PPIL2: variants seen among roughly 807,000 people sequenced by gnomAD.
PPIL2 encodes the protein RING-type E3 ubiquitin-protein ligase PPIL2.
A neutral mutation model predicts 75.2 loss-of-function variants in PPIL2; 50 were observed. The ratio of observed to expected loss-of-function variants is 0.66; its 90% CI spans 0.53 to 0.84. The LOEUF (loss-of-function observed/expected upper bound fraction) is 0.84. Ranked by LOEUF, PPIL2 falls within the 40% of genes least tolerant of loss-of-function variation. The pLI, the probability that PPIL2 is intolerant of heterozygous loss-of-function variation, is 0.00. For synonymous variants in PPIL2, 245 were observed against 258.8 expected (o/e 0.95, Z 0.51); for missense variants, 590 against 685.0 (o/e 0.86, Z 1.55).
At chr22:21,688,182 T>A in intron 14 of PPIL2, 76 bp downstream of exon 14, 2 of 1,560,654 alleles carry the variant, frequency 1.3e-6, no homozygotes, top group Non-Finnish European at 1.8e-6. Context: ...TGGGCAGGGG[T>A]TGTGCACAGC....
chr22:21,682,589 AC>A, intron 8 of PPIL2, 63 bp downstream of exon 8: 1 of 1,201,832 alleles, frequency 8.3e-7, no homozygotes, highest in Non-Finnish European at 1.2e-6. Context: ...CCAGGCCTCT[AC>A]AGGGCCCTAC....
At chr22:21,683,413 A>G (rs1411870936) in intron 9 of PPIL2, among the ~76,000 whole-genome samples, 156 bp downstream of exon 9, 1 of 152,184 alleles carries the variant, frequency 6.6e-6, no homozygotes, top group Admixed American at 6.5e-5. Context: ...ATCTGAGCCA[A>G]CTGCAGCCTC....
chr22:21,687,033 A>G (rs371040405), intron 12 of PPIL2, 35 bp downstream of exon 12: 8 of 1,566,590 alleles, frequency 5.1e-6, no homozygotes, highest in Non-Finnish European at 6.2e-6. Flanking sequence ...CCATGCCCCA[A>G]GGTCATCTCT....
intron 1 of PPIL2, among the ~76,000 whole-genome samples, chr22:21,666,984 GGGC>G (rs2066412415): frequency 5.8e-5 from 1 of 17,320 alleles, no homozygotes; most frequent in Non-Finnish European, 1.3e-4. Flanking sequence ...CAGAACTGTT[GGGC>G]TTCTCAACAG....
chr22:21,694,757 G>T lies in PPIL2; in HGVS notation c.1272G>T (p.Glu424Asp). 2 of 1,610,596 alleles carry T rather than the reference G, an allele frequency of 1.2e-6. No homozygotes were observed. Among genetic ancestry groups the T allele is most frequent in the Non-Finnish European group, 1.7e-6 (2 of 1,177,892 alleles). The change falls in exon 18 of 20, where the codon GAG becomes GAT. Residue 424 changes from glutamate (E) to aspartate (D), a missense_variant and splice_region_variant. Transcript: ENST00000398831. ...CACTGAGCCCCCTTTGCTGCTAGGA[G>T]GAGATCCGCATTGATGCCACTACAG... is the stretch of plus-strand genomic sequence containing the variant. ...ESDPKTDRPK[E>D]EIRIDATTVF... is the part of the protein sequence containing the mutation.
intron 15 of PPIL2, among the ~76,000 whole-genome samples, chr22:21,692,370 G>A (rs539552426): frequency 7.3e-5 from 11 of 151,374 alleles, no homozygotes; most frequent in Admixed American, 3.3e-4. Context: ...TAGCGAGGAT[G>A]GTCTCGATCT....
chr22:21,692,908 A>G lies in PPIL2; in HGVS notation c.1140-908A>G, dbSNP rs187422224. Among the ~76,000 whole-genome samples the G allele has an allele frequency of 6.3e-3, 955 of 150,414 alleles. 12 individuals carry two copies. Among genetic ancestry groups the G allele is most frequent in the African/African-American group, 0.022 (899 of 40,808 alleles). ...GCCACTGCACTCCAGCCTGGGGGAC[A>G]GAGCAAGATTCCATCTCAAAAAAAA... On this transcript the variant is annotated intron_variant, in intron 15 of 19. Transcript: ENST00000398831.
At chr22:21,688,127 C>A in intron 14 of PPIL2, 21 bp downstream of exon 14, 1 of 1,614,088 alleles carries the variant, frequency 6.2e-7, no homozygotes, top group Non-Finnish European at 8.5e-7. Context: ...GTGCTGGGCC[C>A]CTCTCTGGGC....
chr22:21,669,624 C>T (rs541180062), intron 1 of PPIL2, among the ~76,000 whole-genome samples: 2 of 152,216 alleles, frequency 1.3e-5, no homozygotes, highest in African/African-American at 2.4e-5. Flanking sequence ...TTCAGCCTCC[C>T]GAGTAGCTGG....
At chr22:21,673,614 T>G (rs1239418930) in intron 5 of PPIL2, 1 of 152,082 alleles carries the variant, frequency 6.6e-6, no homozygotes, top group African/African-American at 2.4e-5. Context: ...ATCAGGGAGG[T>G]GTGGCCATTT....
chr22:21,696,661 C>G lies in PPIL2; in HGVS notation c.*1171C>G, dbSNP rs573429795. The G allele has an allele frequency of 2.5e-5, 38 of 1,527,518 alleles. No homozygotes were observed. The highest frequency in any genetic ancestry group is 3.2e-5 in the Non-Finnish European group (36 of 1,142,334). The allele number at this position is 1,527,518 out of a possible 1,614,324, so 94.6% of individuals were successfully genotyped here. A position where few individuals can be genotyped will look rare whatever the true frequency, so the allele number is the denominator to read the frequency against. Reference sequence around the variant, plus strand: ...TCCCTGTTGCCCTCAGGCCACCCCCCACTTCTAGTTCTTCACACTAAGCCC... The same window carrying G: ...TCCCTGTTGCCCTCAGGCCACCCCCGACTTCTAGTTCTTCACACTAAGCCC... On this transcript the variant is annotated 3_prime_UTR_variant, in exon 20 of 20. Transcript: ENST00000398831.
chr22:21,669,854 A>G (rs1316227852), intron 1 of PPIL2, 59 bp from the exon 2 acceptor site: 16 of 1,533,960 alleles, frequency 1.0e-5, no homozygotes, highest in Non-Finnish European at 1.4e-5. Flanking sequence ...CTCACTTCCA[A>G]AGACTTCGTC....
rs554207069 is a variant in PPIL2 at position 21,696,235 on chromosome 22, C to T, written c.*745C>T. Reference sequence around the variant, plus strand: ...GTGCCCTGCCTGAGCTCTCAGGGCCCTGCTCACCTGCTCTGGCTGTGAACC... The same window carrying T: ...GTGCCCTGCCTGAGCTCTCAGGGCCTTGCTCACCTGCTCTGGCTGTGAACC... On this transcript the variant is annotated 3_prime_UTR_variant, in exon 20 of 20. Transcript: ENST00000398831. 97 of 1,015,124 alleles carry T rather than the reference C, an allele frequency of 9.6e-5. 1 individual carries two copies. In the East Asian group the frequency reaches 6.5e-3, roughly 68 times the overall value. 62.9% of individuals were successfully genotyped at this position (1,015,124 alleles called of 1,614,324 possible).
At position 21,688,792 on chromosome 22, in the gene PPIL2, C is replaced by T. The variant is rs779227844; in HGVS notation, c.1082C>T (p.Thr361Met). ...GAGTTCCGGCCCAACCTCTCGCACA[C>T]GGGCCGCGGCATCCTCAGCATGGCC... is the stretch of plus-strand genomic sequence containing the variant. ...KDEFRPNLSHTGRGILSMANS... is the reference protein window; with the variant it reads ...KDEFRPNLSHMGRGILSMANS... Residue 361 changes from threonine to methionine, a missense_variant, in exon 15 of 20, where the codon ACG (threonine) becomes ATG (methionine). By Grantham distance (81) the Thr-to-Met change is moderately conservative. Transcript: ENST00000398831. 19 of 1,614,074 alleles carry T rather than the reference C, an allele frequency of 1.2e-5. No homozygotes were observed. Among genetic ancestry groups the T allele is most frequent in the East Asian group, 4.5e-5 (2 of 44,892 alleles).
chr22:21,691,455 C>T (rs564766413), intron 15 of PPIL2, among the ~76,000 whole-genome samples: 329 of 152,042 alleles, frequency 2.2e-3, no homozygotes, highest in South Asian at 0.01. Flanking sequence ...CCGAGGCAGG[C>T]GGATCACGAG....
chr22:21,667,315 C>A (rs1403826042), intron 1 of PPIL2, among the ~76,000 whole-genome samples: 1 of 152,062 alleles, frequency 6.6e-6, no homozygotes, highest in Non-Finnish European at 1.5e-5. Flanking sequence ...CGCCACCATG[C>A]CCAGCTAATT....
At chr22:21,671,147 C>A in intron 4 of PPIL2, 88 bp downstream of exon 4, 1 of 1,293,852 alleles carries the variant, frequency 7.7e-7, no homozygotes, top group Non-Finnish European at 1.1e-6. Context: ...TTGGGTAGGG[C>A]TCTTGGGCAC....
In PPIL2 at chr22:21,697,022, T is replaced by TGTCA. The variant is rs2067964930; in HGVS notation, c.*1533_*1536dup. ...TTCTCCAGCCCATCCCTCTGCAGCCTGTCATCCCTGTCTGTGACCATTGGT... is the reference window on the plus strand; with the variant it reads ...TTCTCCAGCCCATCCCTCTGCAGCCTGTCAGTCATCCCTGTCTGTGACCATTGGT... On this transcript the variant is annotated 3_prime_UTR_variant, in exon 20 of 20. Coordinates refer to ENST00000398831, the MANE Select transcript of PPIL2 (RefSeq NM_014337.4). 1.3e-6 allele frequency: 2 copies of TGTCA among 1,535,034 alleles called. No individual in the cohort carries two copies. Among genetic ancestry groups the TGTCA allele is most frequent in the Admixed American group, 2.0e-5 (1 of 50,904 alleles).
chr22:21,692,359 T>G (rs557444470), intron 15 of PPIL2, among the ~76,000 whole-genome samples: 3 of 151,494 alleles, frequency 2.0e-5, no homozygotes, highest in South Asian at 4.2e-4. Context: ...TTTCACCGTG[T>G]TAGCGAGGAT....
Sources: gnomAD v4.1 joint callset for allele counts (sites outside exome capture counted in the v4.1 genomes callset) on GRCh38, gnomAD v4.1.1 for gene constraint, MANE v1.5 for transcripts, NCBI Gene and HGNC (gene_info 2026-07-23, HGNC 2026-07-21) for gene names.